The following PTPRG variants were observed in gnomAD, a reference collection of about 807,000 sequenced individuals.
PTPRG encodes protein tyrosine phosphatase receptor type G.
A neutral mutation model predicts 165.3 loss-of-function variants in PTPRG; 102 were observed. The observed-to-expected ratio is 0.62, with a 90% CI of 0.53 to 0.73. The LOEUF is 0.73. Among genes scored for constraint, PTPRG ranks in the 30% least tolerant of loss-of-function variants. PTPRG has a pLI of 0.00. For synonymous variants in PTPRG, 675 were observed against 669.5 expected (o/e 1.01, Z -0.13); for missense variants, 1,866 against 1,861.4 (o/e 1.00, Z -0.05).
intron 2 of PTPRG, among the ~76,000 whole-genome samples, chr3:61,933,353 G>T (rs2039407301): frequency 6.6e-6 from 1 of 152,082 alleles, no homozygotes; most frequent in African/African-American, 2.4e-5. Flanking sequence ...ACTATTAATT[G>T]TACTGGGTAC....
At chr3:61,603,024 T>C (rs1181716471) in intron 1 of PTPRG, among the ~76,000 whole-genome samples, 1 of 152,186 alleles carries the variant, frequency 6.6e-6, no homozygotes, top group African/African-American at 2.4e-5. Flanking sequence ...TGCACATCTT[T>C]CCTCCTTCAC....
chr3:61,931,970 T>C (rs1200866971), intron 2 of PTPRG, among the ~76,000 whole-genome samples: 2 of 152,236 alleles, frequency 1.3e-5, no homozygotes, highest in East Asian at 1.9e-4. Context: ...TTCTTAGGAA[T>C]GGTCAACCTT....
intron 4 of PTPRG, among the ~76,000 whole-genome samples, chr3:62,052,144 A>G (rs1429283133): frequency 1.3e-5 from 2 of 152,204 alleles, no homozygotes; most frequent in African/African-American, 4.8e-5. Context: ...CTCATTAACC[A>G]TAAGTCTCAT....
At chr3:61,772,370 C>T (rs2034235972) in intron 2 of PTPRG, among the ~76,000 whole-genome samples, 1 of 151,916 alleles carries the variant, frequency 6.6e-6, no homozygotes, top group African/African-American at 2.4e-5. Flanking sequence ...TACAAATCAA[C>T]CTGCTCATTC....
intron 1 of PTPRG, among the ~76,000 whole-genome samples, chr3:61,729,378 ATT>A (rs2032399602): frequency 6.6e-6 from 1 of 152,174 alleles, no homozygotes; most frequent in Non-Finnish European, 1.5e-5. Flanking sequence ...ACTGATTGAC[ATT>A]TAAAAACCGC....
intron 4 of PTPRG, among the ~76,000 whole-genome samples, chr3:62,041,614 C>T (rs557651878): frequency 6.6e-6 from 1 of 152,210 alleles, no homozygotes; most frequent in African/African-American, 2.4e-5. Context: ...CTTCACAACC[C>T]CTGCCCCCTT....
At chr3:61,615,123 CA>C (rs1701268290) in intron 1 of PTPRG, among the ~76,000 whole-genome samples, 2 of 152,240 alleles carry the variant, frequency 1.3e-5, no homozygotes, top group South Asian at 4.1e-4. Flanking sequence ...GTATTTCCTA[CA>C]AACAAGAACA....
chr3:62,019,698 AT>A lies in PTPRG; in HGVS notation c.519+16203del, dbSNP rs367617974. On this transcript the variant is annotated intron_variant, in intron 4 of 29. Coordinates refer to ENST00000474889, the MANE Select transcript of PTPRG (RefSeq NM_002841.4). ...AGTACGGGAGGTGATGGATGTGTTA[AT>A]TAGCTTGATTGAGTCATTCCACAAT... 7.7e-3 allele frequency among the ~76,000 whole-genome samples: 1,174 copies of A among 152,242 alleles called. 6 individuals are homozygous for A. The highest frequency in any genetic ancestry group is 0.014 in the Non-Finnish European group (943 of 68,002).
chr3:61,837,101 A>T (rs1472520830), intron 2 of PTPRG, among the ~76,000 whole-genome samples: 11 of 152,108 alleles, frequency 7.2e-5, no homozygotes, highest in Non-Finnish European at 1.6e-4. Context: ...TTTTGTAAAG[A>T]TGGGTTTTAT....
Position 62,074,113 on chromosome 3 carries a change from A to T in PTPRG, c.520-4050A>T, listed in dbSNP as rs543665846. Among the ~76,000 whole-genome samples the T allele has an allele frequency of 3.1e-4, 47 of 151,744 alleles. No individual in the cohort carries two copies. In the South Asian group the frequency reaches 9.6e-3, roughly 31 times the overall value. ...CTTATTCTTAGAAATTACTCACTTG[A>T]GTATTTAGTGGTAAAGGGGCCTATT... On this transcript the variant is annotated intron_variant, in intron 4 of 29. Transcript: ENST00000474889.
intron 1 of PTPRG, among the ~76,000 whole-genome samples, chr3:61,601,559 G>A (rs768553197): frequency 1.4e-4 from 22 of 152,190 alleles, no homozygotes; most frequent in South Asian, 2.1e-4. Flanking sequence ...AAACGATGTT[G>A]GAGGTCAAAG....
At chr3:61,633,540 C>T (rs1701824603) in intron 1 of PTPRG, among the ~76,000 whole-genome samples, 1 of 152,110 alleles carries the variant, frequency 6.6e-6, no homozygotes, top group African/African-American at 2.4e-5. Context: ...TATCTTGTAT[C>T]CTTCAACCTT....
At chr3:62,253,270 C>T (rs1701462513) in intron 15 of PTPRG, among the ~76,000 whole-genome samples, 2 of 152,038 alleles carry the variant, frequency 1.3e-5, no homozygotes, top group African/African-American at 4.8e-5. Context: ...TGTAAGTTCT[C>T]GGGAATCTAA....
At chr3:62,109,235 AG>A (rs1425144566) in intron 5 of PTPRG, among the ~76,000 whole-genome samples, 2 of 152,146 alleles carry the variant, frequency 1.3e-5, no homozygotes, top group Non-Finnish European at 2.9e-5. Context: ...GGTGTAAGGA[AG>A]GGGTCCAGTT....
At position 61,720,882 on chromosome 3, in the gene PTPRG, A is replaced by T. The variant is rs1264649257; in HGVS notation, c.86-27996A>T. On this transcript the variant is annotated intron_variant, in intron 1 of 29. Transcript: ENST00000474889. ...AACACTGGCCATTATAACTTAGACGATTAGATTTGTCACTTGTTTCTGCTG... is the reference window on the plus strand; with the variant it reads ...AACACTGGCCATTATAACTTAGACGTTTAGATTTGTCACTTGTTTCTGCTG... Among the ~76,000 whole-genome samples the T allele has an allele frequency of 2.6e-5, 4 of 152,282 alleles. No homozygotes were observed. The East Asian group carries it at 7.7e-4, about 29-fold the overall frequency.
intron 2 of PTPRG, among the ~76,000 whole-genome samples, chr3:61,960,501 A>C (rs923169600): frequency 2.0e-5 from 3 of 152,190 alleles, no homozygotes; most frequent in Admixed American, 1.3e-4. Flanking sequence ...CATAAACCTA[A>C]GTTATGAAGT....
At chr3:61,564,936 T>TAAGA (rs758239140) in intron 1 of PTPRG, among the ~76,000 whole-genome samples, 7 of 152,252 alleles carry the variant, frequency 4.6e-5, no homozygotes, top group Non-Finnish European at 1.0e-4. Context: ...GGACCCCTAC[T>TAAGA]TCTTGCCTGC....
intron 9 of PTPRG, among the ~76,000 whole-genome samples, chr3:62,193,532 A>G (rs1360224605): frequency 3.3e-5 from 5 of 152,210 alleles, no homozygotes; most frequent in Admixed American, 6.5e-5. Context: ...CATCATGGTT[A>G]TTGTGGCCCA....
chr3:62,166,639 A>G (rs1417033595), intron 7 of PTPRG, among the ~76,000 whole-genome samples: 1 of 151,846 alleles, frequency 6.6e-6, no homozygotes, highest in Admixed American at 6.6e-5. Flanking sequence ...CCTGGCCAGA[A>G]TTACCTTTTT....
Sources: gnomAD v4.1 joint callset for allele counts (sites outside exome capture counted in the v4.1 genomes callset) on GRCh38, gnomAD v4.1.1 for gene constraint, MANE v1.5 for transcripts, NCBI Gene and HGNC (gene_info 2026-07-23, HGNC 2026-07-21) for gene names.